The following SSBP3 variants were observed in gnomAD, a reference collection of about 807,000 sequenced individuals.
SSBP3 encodes single stranded DNA binding protein 3.
In SSBP3, 5 loss-of-function variants were observed where a neutral mutation model predicts 69.6. That is an observed-to-expected ratio of 0.07 (90% confidence interval 0.04 to 0.15). The LOEUF (loss-of-function observed/expected upper bound fraction) is 0.15, where lower values mean the gene tolerates loss of function less well. Ranked by LOEUF, SSBP3 falls within the 10% of genes least tolerant of loss-of-function variation. The probability of loss-of-function intolerance (pLI) is 1.00; values close to 1 mark genes in which losing one functional copy is unlikely to be tolerated. For missense variants in SSBP3, 312 were observed against 534.0 expected (o/e 0.58, Z 4.10); for synonymous variants, 196 against 193.4 (o/e 1.01, Z -0.11).
intron 4 of SSBP3, among the ~76,000 whole-genome samples, chr1:54,398,594 A>G (rs1649063456): frequency 6.6e-6 from 1 of 152,188 alleles, no homozygotes; most frequent in Non-Finnish European, 1.5e-5. Flanking sequence ...GGACCCAGAC[A>G]ACAGTGTCTA....
chr1:54,287,283 C>G (rs1049560197), intron 4 of SSBP3: 2 of 152,236 alleles, frequency 1.3e-5, no homozygotes, highest in Non-Finnish European at 2.9e-5. Context: ...TTCTGCAAAT[C>G]CCCTCCCCTC....
At chr1:54,395,910 CG>C (rs1251406027) in intron 4 of SSBP3, among the ~76,000 whole-genome samples, 1 of 151,910 alleles carries the variant, frequency 6.6e-6, no homozygotes, top group Non-Finnish European at 1.5e-5. Flanking sequence ...ACCCCGTTAC[CG>C]GCCAGGCGCG....
chr1:54,318,011 A>C (rs1332209149), intron 4 of SSBP3, among the ~76,000 whole-genome samples: 1 of 152,104 alleles, frequency 6.6e-6, no homozygotes, highest in African/African-American at 2.4e-5. Context: ...CAGGTGATCC[A>C]CCTGCTTTGG....
intron 14 of SSBP3, among the ~76,000 whole-genome samples, chr1:54,229,758 T>G: frequency 6.7e-6 from 1 of 150,202 alleles, no homozygotes. Flanking sequence ...GGGAAGGGAG[T>G]GGAGGTGGTG....
chr1:54,396,193 GA>G (rs59276509), intron 4 of SSBP3, among the ~76,000 whole-genome samples: 1,696 of 40,574 alleles, frequency 0.042, 34 homozygotes, highest in African/African-American at 0.13. Flanking sequence ...CTCCATCTCA[GA>G]AAAAAAAAAA....
chr1:54,387,900 C>T (rs1391962409), intron 4 of SSBP3, among the ~76,000 whole-genome samples: 1 of 152,152 alleles, frequency 6.6e-6, no homozygotes, highest in Non-Finnish European at 1.5e-5. Context: ...AACAAGCCTT[C>T]CCAAAAGTCC....
rs781311542 is a variant in SSBP3, at chr1:54,258,028, C to T, written c.447+41G>A. 3 of 1,550,650 alleles carry T rather than the reference C, an allele frequency of 1.9e-6. No individual in the cohort carries two copies. Among genetic ancestry groups the T allele is most frequent in the East Asian group, 2.3e-5 (1 of 42,594 alleles). On this transcript the variant is annotated intron_variant, in intron 6 of 17. Transcript: ENST00000610401. The surrounding 1 kb of genome is among the most constrained non-coding windows in gnomAD (Gnocchi z 4.5). ...CTGCGGGCTCTCTGCTTCCTCCGCGCCCCGCGTCCCCGGCGGGCGGGAGCG... is the reference window on the plus strand; with the variant it reads ...CTGCGGGCTCTCTGCTTCCTCCGCGTCCCGCGTCCCCGGCGGGCGGGAGCG...
rs923043375 is a variant in SSBP3, at chr1:54,378,379, C to T, written c.276+23482G>A. 3.1e-4 allele frequency among the ~76,000 whole-genome samples: 47 copies of T among 152,184 alleles called. 1 individual carries two copies. The highest frequency in any genetic ancestry group is 2.8e-3 in the Admixed American group (42 of 15,270). Reference sequence around the variant, plus strand: ...GGGTGGGGCTCTGTTACAGTTTGCGCGTCCATATTTCTGGGCCACTGCACA... The same window carrying T: ...GGGTGGGGCTCTGTTACAGTTTGCGTGTCCATATTTCTGGGCCACTGCACA... On this transcript the variant is annotated intron_variant, in intron 4 of 17. Transcript: ENST00000610401.
chr1:54,261,593 T>C (rs1645018261), intron 5 of SSBP3, among the ~76,000 whole-genome samples: 2 of 152,138 alleles, frequency 1.3e-5, no homozygotes, highest in Admixed American at 6.5e-5. Context: ...TGCTTTTCCA[T>C]GCAGGACATC....
At chr1:54,272,446 A>C (rs1047135923) in intron 5 of SSBP3, among the ~76,000 whole-genome samples, 3 of 151,746 alleles carry the variant, frequency 2.0e-5, no homozygotes, top group Non-Finnish European at 4.4e-5. Flanking sequence ...CTCTTCCTCA[A>C]ACCTCTTCTG....
chr1:54,273,888 C>G (rs1270002267), intron 5 of SSBP3, among the ~76,000 whole-genome samples: 3 of 152,244 alleles, frequency 2.0e-5, no homozygotes, highest in Non-Finnish European at 2.9e-5. Context: ...TGGGGAAGAG[C>G]AGTGGTTCCC....
In SSBP3 at chr1:54,242,274, G is replaced by A. The variant is rs900130064; in HGVS notation, c.717-62C>T. 3.8e-6 allele frequency: 6 copies of A among 1,584,756 alleles called. No individual in the cohort carries two copies. The African/African-American group carries it at 4.0e-5, about 11-fold the overall frequency. ...GGCGCTGTAAACTCCAAGCGGTGGA[G>A]GCAGCAGGGGCAGAAGGAAAGGGCT... On this transcript the variant is annotated intron_variant, in intron 10 of 17. Coordinates refer to ENST00000610401, the Ensembl canonical transcript of SSBP3.
At chr1:54,374,407 A>G (rs1031961279) in intron 4 of SSBP3, among the ~76,000 whole-genome samples, 3 of 152,236 alleles carry the variant, frequency 2.0e-5, no homozygotes, top group African/African-American at 7.2e-5. Context: ...AGTAAGCCCC[A>G]AAAGGGCATC....
At chr1:54,381,240 G>A (rs1328434766) in intron 4 of SSBP3, among the ~76,000 whole-genome samples, 8 of 151,870 alleles carry the variant, frequency 5.3e-5, no homozygotes, top group East Asian at 1.9e-4. Context: ...AAAATTAGCC[G>A]GGCGTGGTGG....
chr1:54,230,894 T>A (rs1644369154), intron 14 of SSBP3, among the ~76,000 whole-genome samples: 1 of 152,202 alleles, frequency 6.6e-6, no homozygotes, highest in African/African-American at 2.4e-5. Flanking sequence ...TATACCACAT[T>A]TCATTTATCC....
intron 4 of SSBP3, chr1:54,286,331 C>G (rs780751199): frequency 6.6e-6 from 1 of 152,252 alleles, no homozygotes; most frequent in Non-Finnish European, 1.5e-5. Context: ...AAATTCTTTT[C>G]TAAACAGCAA....
chr1:54,227,171 G>T lies in SSBP3; in HGVS notation c.1138-11C>A. On this transcript the variant is annotated splice_polypyrimidine_tract_variant and intron_variant, in intron 17 of 17. Coordinates refer to ENST00000610401, the Ensembl canonical transcript of SSBP3. Reference sequence around the variant, plus strand: ...CATGCTTGGAGAATACTGGAAAGGAGAAGCAGAGAAGGGGGGGGGGTGAGG... The same window carrying T: ...CATGCTTGGAGAATACTGGAAAGGATAAGCAGAGAAGGGGGGGGGGTGAGG... The T allele has an allele frequency of 4.1e-6, 3 of 740,366 alleles. No homozygotes were observed. Among genetic ancestry groups the T allele is most frequent in the Non-Finnish European group, 6.2e-6 (3 of 480,380 alleles). 45.9% of individuals were successfully genotyped at this position (740,366 alleles called of 1,614,324 possible). A position where few individuals can be genotyped will look rare whatever the true frequency, so the allele number is the denominator to read the frequency against.
intron 10 of SSBP3, chr1:54,242,998 T>C: frequency 3.9e-6 from 2 of 515,742 alleles, no homozygotes; most frequent in Non-Finnish European, 6.9e-6. Flanking sequence ...AGGGTAATCA[T>C]GAAGATGAGG....
intron 10 of SSBP3, 98 bp from the exon 11 acceptor site, chr1:54,242,310 CAG>C: frequency 7.0e-7 from 1 of 1,424,116 alleles, no homozygotes; most frequent in Non-Finnish European, 9.8e-7. Flanking sequence ...GAAATCACAA[CAG>C]GAAGTCCTTC....
Sources: gnomAD v4.1 joint callset for allele counts (sites outside exome capture counted in the v4.1 genomes callset) on GRCh38, gnomAD v4.1.1 for gene constraint, Gnocchi (gnomAD v3.1) non-coding constraint, MANE v1.5 for transcripts, NCBI Gene and HGNC (gene_info 2026-07-23, HGNC 2026-07-21) for gene names.